TANGO6: variants seen among roughly 807,000 people sequenced by gnomAD.
TANGO6 encodes transport and golgi organization 6 homolog.
In TANGO6, 90 loss-of-function variants were observed where a neutral mutation model predicts 114.2. That is an observed-to-expected ratio of 0.79 (90% CI 0.66 to 0.94). The LOEUF (loss-of-function observed/expected upper bound fraction) is 0.94, where lower values mean the gene tolerates loss of function less well. Ranked by LOEUF, TANGO6 falls within the 40% of genes least tolerant of loss-of-function variation. The probability of loss-of-function intolerance (pLI) is 0.00; values close to 1 mark genes in which losing one functional copy is unlikely to be tolerated. For missense variants in TANGO6, 1,274 were observed against 1,315.3 expected (o/e 0.97, Z 0.49); for synonymous variants, 477 against 509.8 (o/e 0.94, Z 0.87).
In TANGO6 at chr16:68,860,062, T is replaced by C; in HGVS notation, c.273T>C (p.Thr91=). 6.2e-7 allele frequency: 1 copy of C among 1,614,034 alleles called. No homozygotes were observed. The highest frequency in any genetic ancestry group is 8.5e-7 in the Non-Finnish European group (1 of 1,179,890). The stretch of plus-strand genomic sequence containing the variant: ...GGCCACAAAACTCTGTGGATGTCAC[T>C]TGGAGTTTTACCTCTCAAACCTTGT... ...AEWPQNSVDV[T]WSFTSQTLLL... is the part of the protein sequence containing the mutation. Residue 91 remains threonine (T), a synonymous_variant, in exon 2 of 18, where the codon ACT becomes ACC. Transcript: ENST00000261778.
intron 1 of TANGO6, among the ~76,000 whole-genome samples, chr16:68,859,538 T>A (rs146077941): frequency 6.6e-6 from 1 of 152,210 alleles, no homozygotes; most frequent in Non-Finnish European, 1.5e-5. Context: ...GCATGTTCTA[T>A]GGTAAATGTT....
intron 14 of TANGO6, chr16:68,933,769 G>T (rs1284844020): frequency 6.6e-6 from 1 of 152,256 alleles, no homozygotes; most frequent in Non-Finnish European, 1.5e-5. Flanking sequence ...AAGGGATAGA[G>T]AAATATATGC....
intron 17 of TANGO6, among the ~76,000 whole-genome samples, chr16:69,073,104 G>T (rs1035076157): frequency 1.1e-4 from 17 of 151,704 alleles, no homozygotes; most frequent in African/African-American, 3.6e-4. Context: ...TATATATAGA[G>T]ATGCTTTGGG....
Position 69,055,412 on chromosome 16 carries a change from G to A in TANGO6, c.3108+14991G>A, listed in dbSNP as rs188692854. ...CCTGGAATCTGGCTTTCTTCCTGTG[G>A]CAGCAACATAACCACTGATGGTGGC... On this transcript the variant is annotated intron_variant, in intron 17 of 17. Coordinates refer to ENST00000261778, the MANE Select transcript of TANGO6 (RefSeq NM_024562.2). 1.1e-4 allele frequency among the ~76,000 whole-genome samples: 17 copies of A among 152,310 alleles called. No individual in the cohort carries two copies. The East Asian group carries it at 2.9e-3, about 26-fold the overall frequency.
At chr16:68,943,649 G>C (rs1315846401) in intron 14 of TANGO6, among the ~76,000 whole-genome samples, 5 of 152,106 alleles carry the variant, frequency 3.3e-5, no homozygotes, top group Non-Finnish European at 7.4e-5. Context: ...ACAGGCGTGA[G>C]CCACCGCACC....
At chr16:68,929,846 A>G (rs34037364) in intron 13 of TANGO6, among the ~76,000 whole-genome samples, 10,682 of 152,282 alleles carry the variant, frequency 0.07, 378 homozygotes, top group African/African-American at 0.083. Context: ...TACAAGAGAA[A>G]AGGATCAAAT....
chr16:68,921,750 G>A (rs1963097726), intron 12 of TANGO6, among the ~76,000 whole-genome samples: 1 of 150,912 alleles, frequency 6.6e-6, no homozygotes, highest in Non-Finnish European at 1.5e-5. Context: ...CACATTAGTT[G>A]TGTTCTAAGA....
intron 17 of TANGO6, among the ~76,000 whole-genome samples, chr16:69,051,521 A>T (rs1264513554): frequency 6.6e-6 from 1 of 152,190 alleles, no homozygotes; most frequent in East Asian, 1.9e-4. Context: ...TGTCTCTACT[A>T]AAAATACAAA....
intron 7 of TANGO6, among the ~76,000 whole-genome samples, chr16:68,884,565 C>T (rs1265906631): frequency 6.6e-6 from 1 of 152,068 alleles, no homozygotes; most frequent in Non-Finnish European, 1.5e-5. Flanking sequence ...TAAGAAATAG[C>T]ATGATGAAAA....
At chr16:68,935,711 G>A (rs1391957761) in intron 14 of TANGO6, among the ~76,000 whole-genome samples, 1 of 152,136 alleles carries the variant, frequency 6.6e-6, no homozygotes, top group Non-Finnish European at 1.5e-5. Context: ...ATCTTACACA[G>A]ACAAAGATAA....
Position 69,058,868 on chromosome 16 carries a change from G to A in TANGO6, c.3108+18447G>A, listed in dbSNP as rs538713890. 3.4e-3 allele frequency among the ~76,000 whole-genome samples: 498 copies of A among 148,598 alleles called. 3 individuals are homozygous for A. The highest frequency in any genetic ancestry group is 3.7e-3 in the Non-Finnish European group (250 of 67,464). On this transcript the variant is annotated intron_variant, in intron 17 of 17. Transcript: ENST00000261778. Reference sequence around the variant, plus strand: ...TTTTTAGTAGAGATAGGGTTTCACCGTGTTAGCCAGAATGGTCTTTAACCA... The same window carrying A: ...TTTTTAGTAGAGATAGGGTTTCACCATGTTAGCCAGAATGGTCTTTAACCA...
intron 15 of TANGO6, among the ~76,000 whole-genome samples, chr16:68,996,000 A>G (rs1190454669): frequency 1.3e-5 from 2 of 152,168 alleles, no homozygotes; most frequent in Non-Finnish European, 2.9e-5. Flanking sequence ...AGAGGCTTAC[A>G]AATGCACACA....
chr16:69,056,157 T>C (rs1960029273), intron 17 of TANGO6, among the ~76,000 whole-genome samples: 1 of 152,202 alleles, frequency 6.6e-6, no homozygotes, highest in South Asian at 2.1e-4. Flanking sequence ...TAAGGGACAG[T>C]GTAGAAACTC....
chr16:69,065,533 T>A (rs1960202927), intron 17 of TANGO6, among the ~76,000 whole-genome samples: 1 of 152,196 alleles, frequency 6.6e-6, no homozygotes, highest in Non-Finnish European at 1.5e-5. Flanking sequence ...ATCTCCAATT[T>A]GCACTTTAGA....
intron 17 of TANGO6, among the ~76,000 whole-genome samples, chr16:69,047,464 C>T (rs1439291705): frequency 6.6e-6 from 1 of 151,690 alleles, no homozygotes; most frequent in East Asian, 1.9e-4. Context: ...CATTGCACTC[C>T]AGCTTGGGTC....
intron 17 of TANGO6, among the ~76,000 whole-genome samples, chr16:69,055,703 C>T (rs978100318): frequency 1.3e-5 from 2 of 152,228 alleles, no homozygotes; most frequent in Admixed American, 6.6e-5. Context: ...TCAACAGTAA[C>T]TTGGCCAAAT....
intron 5 of TANGO6, among the ~76,000 whole-genome samples, chr16:68,876,403 C>T (rs534520291): frequency 1.1e-4 from 16 of 152,158 alleles, no homozygotes; most frequent in South Asian, 2.1e-4. Flanking sequence ...TCAGGTGATC[C>T]GCCTGCCTCG....
Position 69,083,958 on chromosome 16 carries a change from T to C in TANGO6, c.*297T>C, listed in dbSNP as rs777504411. ...GAAGGATGTCTACCTGGTGAAAGTA[T>C]ATTTTAACATGACTGATGGAATTTC... On this transcript the variant is annotated 3_prime_UTR_variant, in exon 18 of 18. Coordinates refer to ENST00000261778, the MANE Select transcript of TANGO6 (RefSeq NM_024562.2). The C allele has an allele frequency of 2.0e-4, 45 of 226,356 alleles. No individual in the cohort carries two copies. The highest frequency in any genetic ancestry group is 3.3e-4 in the Non-Finnish European group (38 of 116,010). 14.0% of individuals were successfully genotyped at this position (226,356 alleles called of 1,614,324 possible). A position where few individuals can be genotyped will look rare whatever the true frequency, so the allele number is the denominator to read the frequency against.
At position 68,862,982 on chromosome 16, in the gene TANGO6, C is replaced by T. The variant is rs1435969074; in HGVS notation, c.773C>T (p.Ala258Val). The change falls in exon 3 of 18, where the codon GCC (alanine) becomes GTC (valine). Residue 258 changes from alanine (A) to valine (V), a missense_variant. Physicochemically the swap from Ala to Val is moderately conservative, Grantham distance 64. Around this residue, in one of 5 missense-constraint regions of TANGO6, gnomAD observed 908 missense variants for 910.2 expected, o/e 1.00. Transcript: ENST00000261778. ...GAGGAGAGAACCCTATCCAGGGGGG[C>T]CTTGAGAGACATGCTGGATCAAGTC... Reference protein sequence around the residue: ...TEEERTLSRGALRDMLDQVYQ... With the variant: ...TEEERTLSRGVLRDMLDQVYQ... 2 of 1,600,022 alleles carry T rather than the reference C, an allele frequency of 1.2e-6. No individual in the cohort carries two copies. The highest frequency in any genetic ancestry group is 1.7e-5 in the Admixed American group (1 of 57,924).
Sources: gnomAD v4.1 joint callset for allele counts (sites outside exome capture counted in the v4.1 genomes callset) on GRCh38, gnomAD v4.1.1 for gene constraint, gnomAD v4.1.1 regional missense constraint, MANE v1.5 for transcripts, NCBI Gene and HGNC (gene_info 2026-07-23, HGNC 2026-07-21) for gene names.